Variants in HHAT observed in about 807,000 individuals in gnomAD.
HHAT encodes the protein hedgehog acyltransferase, also known as protein-cysteine N-palmitoyltransferase HHAT.
In HHAT, 47 loss-of-function variants were observed where a neutral mutation model predicts 70.8. The observed-to-expected ratio is 0.66, with a 90% confidence interval of 0.53 to 0.85. HHAT has a LOEUF of 0.85. Ranked by LOEUF, HHAT falls within the 40% of genes least tolerant of loss-of-function variation. HHAT has a pLI of 0.00. For synonymous variants in HHAT, 228 were observed against 247.6 expected, an observed-to-expected ratio of 0.92 and a Z score of 0.74; for missense variants, 609 against 604.8, an observed-to-expected ratio of 1.01 and a Z score of -0.07.
chr1:210,523,652 C>T (rs1009282415), intron 9 of HHAT, among the ~76,000 whole-genome samples: 1 of 152,156 alleles, frequency 6.6e-6, no homozygotes, highest in Non-Finnish European at 1.5e-5. Flanking sequence ...CAGCCCCCTC[C>T]CAGGTAGTGA....
At chr1:210,449,254 C>G (rs742562) in intron 7 of HHAT, among the ~76,000 whole-genome samples, 35,155 of 150,924 alleles carry the variant, frequency 0.23, 4,420 homozygotes, top group Admixed American at 0.36. Context: ...CTTTTCCCCC[C>G]TTAGGAACAA....
At chr1:210,390,190 A>C (rs996229408) in intron 4 of HHAT, among the ~76,000 whole-genome samples, 1 of 152,304 alleles carries the variant, frequency 6.6e-6, no homozygotes, top group East Asian at 1.9e-4. Context: ...AATAGAGGAA[A>C]ACAAAAACCA....
intron 4 of HHAT, 30 bp downstream of exon 4, chr1:210,387,611 G>A: frequency 6.4e-7 from 1 of 1,553,028 alleles, no homozygotes; most frequent in East Asian, 2.2e-5. Context: ...TACCTTTTAA[G>A]TGTGTTTTTC....
At chr1:210,393,967 G>A (rs1056756818) in intron 4 of HHAT, among the ~76,000 whole-genome samples, 3 of 152,104 alleles carry the variant, frequency 2.0e-5, no homozygotes, top group Non-Finnish European at 2.9e-5. Flanking sequence ...CTTAATTCGG[G>A]TAGTTGTTTT....
rs71146233 is a variant in HHAT at position 210,569,373 on chromosome 1, CAAA to C, written c.1044-18501_1044-18499del. ...CGGGCGACAGAGCCAGAGTCTGCCT[CAAA>C]AAAAAAAAAAAAAAAAAAAAAAAGC... On this transcript the variant is annotated intron_variant, in intron 9 of 11. Coordinates refer to ENST00000261458, the MANE Select transcript of HHAT (RefSeq NM_018194.6). 2.4e-3 allele frequency among the ~76,000 whole-genome samples: 68 copies of C among 28,338 alleles called. 2 individuals carry two copies. The highest frequency in any genetic ancestry group is 0.026 in the Middle Eastern group (1 of 38). 18.6% of individuals were successfully genotyped at this position (28,338 alleles called of 152,430 possible). A position where few individuals can be genotyped will look rare whatever the true frequency, so the allele number is the denominator to read the frequency against.
intron 3 of HHAT, among the ~76,000 whole-genome samples, chr1:210,365,126 T>G (rs970779687): frequency 2.0e-5 from 3 of 152,126 alleles, no homozygotes; most frequent in African/African-American, 4.8e-5. Flanking sequence ...TTGCTGAATA[T>G]TTCTTTTCTC....
intron 6 of HHAT, among the ~76,000 whole-genome samples, chr1:210,408,689 G>A (rs1036363709): frequency 6.6e-6 from 1 of 152,188 alleles, no homozygotes; most frequent in Non-Finnish European, 1.5e-5. Context: ...TGCAGGAAAG[G>A]GATGGGGGCA....
At chr1:210,443,751 A>G (rs1176615883) in intron 7 of HHAT, among the ~76,000 whole-genome samples, 1 of 16,526 alleles carries the variant, frequency 6.1e-5, no homozygotes, top group African/African-American at 2.0e-4. Flanking sequence ...TTGGGCTGAG[A>G]CAGTGGGGTT....
intron 9 of HHAT, among the ~76,000 whole-genome samples, chr1:210,536,239 C>A (rs570855180): frequency 6.6e-6 from 1 of 152,358 alleles, no homozygotes; most frequent in Admixed American, 6.5e-5. Flanking sequence ...CCCATTCTAG[C>A]ACACAGAATT....
At chr1:210,373,589 T>C (rs537055125) in intron 3 of HHAT, among the ~76,000 whole-genome samples, 4 of 152,304 alleles carry the variant, frequency 2.6e-5, no homozygotes, top group African/African-American at 9.6e-5. Context: ...AGGTTTGTTA[T>C]TCCATCATGA....
chr1:210,636,931 G>A (rs771526782), intron 11 of HHAT, among the ~76,000 whole-genome samples: 1 of 152,154 alleles, frequency 6.6e-6, no homozygotes, highest in East Asian at 1.9e-4. Flanking sequence ...TGGTAGTGGA[G>A]GACTCTGGAA....
intron 10 of HHAT, chr1:210,588,313 CTA>C: frequency 6.4e-6 from 3 of 470,344 alleles, no homozygotes; most frequent in Non-Finnish European, 1.1e-5. Flanking sequence ...GTATATATAA[CTA>C]TAAAAAATGT....
intron 9 of HHAT, among the ~76,000 whole-genome samples, chr1:210,568,457 C>T (rs1475564686): frequency 6.6e-6 from 1 of 152,106 alleles, no homozygotes; most frequent in Non-Finnish European, 1.5e-5. Context: ...GGTTATGTTA[C>T]CGATGGAGGG....
chr1:210,517,816 G>C (rs900961432), intron 9 of HHAT, among the ~76,000 whole-genome samples: 4 of 149,878 alleles, frequency 2.7e-5, no homozygotes, highest in Non-Finnish European at 5.9e-5. Context: ...TACAATTTTT[G>C]TCAGTTAAAA....
intron 9 of HHAT, among the ~76,000 whole-genome samples, chr1:210,527,536 T>G (rs1204716365): frequency 6.6e-6 from 1 of 152,326 alleles, no homozygotes; most frequent in South Asian, 2.1e-4. Context: ...CATCATAAAT[T>G]TCCTGGCTAT....
In HHAT at chr1:210,469,013, G is replaced by A. The variant is rs187110590; in HGVS notation, c.1007+4358G>A. On this transcript the variant is annotated intron_variant, in intron 8 of 11. Transcript: ENST00000261458. Reference sequence around the variant, plus strand: ...CATAGGGGTGCTATGAGGATTGAGCGAGCCTGGCGTATAGTAGGTCCTCAG... The same window carrying A: ...CATAGGGGTGCTATGAGGATTGAGCAAGCCTGGCGTATAGTAGGTCCTCAG... Among the ~76,000 whole-genome samples the A allele has an allele frequency of 1.1e-3, 160 of 152,202 alleles. 1 individual carries two copies. The highest frequency in any genetic ancestry group is 3.6e-3 in the African/African-American group (151 of 41,520).
chr1:210,393,834 C>A (rs2091607677), intron 4 of HHAT, among the ~76,000 whole-genome samples: 1 of 152,142 alleles, frequency 6.6e-6, no homozygotes, highest in African/African-American at 2.4e-5. Context: ...CCGGGTTCTG[C>A]CTGTGGCTGG....
At chr1:210,481,888 A>C (rs1042467433) in intron 8 of HHAT, among the ~76,000 whole-genome samples, 1 of 152,148 alleles carries the variant, frequency 6.6e-6, no homozygotes. Flanking sequence ...GTATTTGGAG[A>C]AGTGTCCCAG....
At chr1:210,557,015 G>T (rs1188527024) in intron 9 of HHAT, among the ~76,000 whole-genome samples, 1 of 152,186 alleles carries the variant, frequency 6.6e-6, no homozygotes, top group African/African-American at 2.4e-5. Context: ...AGACAGTGCT[G>T]ATTGTCACCC....
Sources: allele counts gnomAD v4.1 joint callset (sites outside exome capture counted in the v4.1 genomes callset), GRCh38; gene constraint gnomAD v4.1.1; transcripts MANE v1.5; gene names NCBI Gene and HGNC (gene_info 2026-07-23, HGNC 2026-07-21).